NTM: variants seen among roughly 807,000 people sequenced by gnomAD.
The protein encoded by NTM is neurotrimin, also known as IgLON family member 2.
A neutral mutation model predicts 42.1 loss-of-function variants in NTM; 13 were observed. The ratio of observed to expected loss-of-function variants is 0.31; its 90% CI spans 0.20 to 0.49. NTM has a LOEUF of 0.49. Ranked by LOEUF, NTM falls within the 20% of genes least tolerant of loss-of-function variation. The pLI is 0.99. For missense variants in NTM, 373 were observed against 452.8 expected (o/e 0.82, Z 1.60); for synonymous variants, 187 against 179.2 (o/e 1.04, Z -0.35).
At chr11:132,176,143 A>T (rs1483382021) in intron 3 of NTM, among the ~76,000 whole-genome samples, 1 of 152,174 alleles carries the variant, frequency 6.6e-6, no homozygotes, top group Non-Finnish European at 1.5e-5. Context: ...GTGTAACTGT[A>T]TGTGGAAGAG....
chr11:131,848,736 G>C (rs2045207858), intron 1 of NTM, among the ~76,000 whole-genome samples: 1 of 152,194 alleles, frequency 6.6e-6, no homozygotes, highest in African/African-American at 2.4e-5. Context: ...GGCTGCAGAT[G>C]TCAGATTGGC....
chr11:132,186,570 A>G (rs2078433140), intron 3 of NTM, among the ~76,000 whole-genome samples: 1 of 152,040 alleles, frequency 6.6e-6, no homozygotes, highest in African/African-American at 2.4e-5. Flanking sequence ...CTGCTTTTTA[A>G]ATTTTTATTT....
chr11:131,541,921 C>T (rs1162885445), intron 1 of NTM, among the ~76,000 whole-genome samples: 1 of 152,208 alleles, frequency 6.6e-6, no homozygotes, highest in Non-Finnish European at 1.5e-5. Flanking sequence ...TCTTTATACA[C>T]AGGCTCAATG....
At chr11:131,910,255 G>A (rs2137907541) in intron 1 of NTM, among the ~76,000 whole-genome samples, 1 of 152,280 alleles carries the variant, frequency 6.6e-6, no homozygotes, top group Middle Eastern at 3.4e-3. Flanking sequence ...CATTTTAAAG[G>A]TGCATGTATG....
At chr11:131,465,785 G>T (rs1193007688) in intron 1 of NTM, among the ~76,000 whole-genome samples, 3 of 149,714 alleles carry the variant, frequency 2.0e-5, no homozygotes, top group African/African-American at 7.7e-5. Flanking sequence ...CCCAAAGCTC[G>T]GTTCTGCAGG....
intron 2 of NTM, among the ~76,000 whole-genome samples, chr11:131,970,030 G>C (rs28465313): frequency 6.6e-6 from 1 of 152,056 alleles, no homozygotes; most frequent in Admixed American, 6.5e-5. Context: ...TGCTGGTCTC[G>C]AACTCCTGGG....
intron 1 of NTM, among the ~76,000 whole-genome samples, chr11:131,611,335 C>A (rs780247473): frequency 1.3e-5 from 2 of 152,188 alleles, no homozygotes; most frequent in Non-Finnish European, 2.9e-5. Flanking sequence ...AGAACTTGAG[C>A]TTCAAATAAC....
chr11:131,523,098 C>A (rs866158056), intron 1 of NTM, among the ~76,000 whole-genome samples: 9 of 152,164 alleles, frequency 5.9e-5, no homozygotes, highest in African/African-American at 1.9e-4. Context: ...GTGGTTGTAC[C>A]AGCCGACTTA....
intron 1 of NTM, chr11:131,794,627 A>ATGAG: frequency 1.0e-6 from 1 of 970,278 alleles, no homozygotes; most frequent in Non-Finnish European, 1.2e-6. Flanking sequence ...TGAGTGTTGA[A>ATGAG]TGAATGAATG....
chr11:132,218,303 AG>A (rs1239960655), intron 4 of NTM, among the ~76,000 whole-genome samples: 3 of 152,136 alleles, frequency 2.0e-5, no homozygotes, highest in Non-Finnish European at 4.4e-5. Context: ...AGAAAGCAAA[AG>A]TTTTTCTAAA....
chr11:131,733,236 G>T (rs890247792), intron 1 of NTM, among the ~76,000 whole-genome samples: 1 of 152,054 alleles, frequency 6.6e-6, no homozygotes, highest in African/African-American at 2.4e-5. Context: ...TACTCTCCTA[G>T]GTAGAATGTT....
chr11:131,945,179 A>G (rs889263062), intron 2 of NTM, among the ~76,000 whole-genome samples: 2 of 152,240 alleles, frequency 1.3e-5, no homozygotes, highest in South Asian at 4.1e-4. Context: ...TCCAATTTTT[A>G]GCTATTTGTG....
intron 1 of NTM, among the ~76,000 whole-genome samples, chr11:131,494,450 A>C (rs1340777046): frequency 6.6e-6 from 1 of 152,214 alleles, no homozygotes; most frequent in Non-Finnish European, 1.5e-5. Context: ...GCTCATGCCT[A>C]ATGAATATGG....
intron 1 of NTM, among the ~76,000 whole-genome samples, chr11:131,718,576 C>A (rs2077972662): frequency 6.6e-6 from 1 of 152,160 alleles, no homozygotes; most frequent in Non-Finnish European, 1.5e-5. Context: ...GGGCACTGTT[C>A]CTTCCAATCT....
chr11:132,230,512 TGGGCCTGGAGCTTAATCAG>T (rs989052161), intron 4 of NTM, among the ~76,000 whole-genome samples: 2 of 152,220 alleles, frequency 1.3e-5, no homozygotes, highest in African/African-American at 4.8e-5. Context: ...TTTCAGGACC[TGGGCCTGGAGCTTAATCAG>T]GGGCATAACG....
chr11:132,290,442 G>A (rs1377071682), intron 4 of NTM, among the ~76,000 whole-genome samples: 5 of 152,036 alleles, frequency 3.3e-5, no homozygotes, highest in South Asian at 2.1e-4. Context: ...TAATAAGGAC[G>A]GTGTCCTTCA....
chr11:131,748,696 G>T (rs2082118481), intron 1 of NTM, among the ~76,000 whole-genome samples: 1 of 152,170 alleles, frequency 6.6e-6, no homozygotes, highest in South Asian at 2.1e-4. Flanking sequence ...ATGTTCCCAG[G>T]GGGGTGCAAT....
chr11:132,228,860 C>G, intron 4 of NTM, among the ~76,000 whole-genome samples: 1 of 152,160 alleles, frequency 6.6e-6, no homozygotes, highest in East Asian at 1.9e-4. Flanking sequence ...AGTAGCACTG[C>G]TCATGTTGTC....
chr11:131,701,763 A>T (rs1258128481), intron 1 of NTM, among the ~76,000 whole-genome samples: 1 of 152,148 alleles, frequency 6.6e-6, no homozygotes. Context: ...GCCTAGACAA[A>T]TGCAAGGCTG....
Sources: gnomAD v4.1 joint callset for allele counts (sites outside exome capture counted in the v4.1 genomes callset) on GRCh38, gnomAD v4.1.1 for gene constraint, MANE v1.5 for transcripts, NCBI Gene and HGNC (gene_info 2026-07-23, HGNC 2026-07-21) for gene names.